The following NRCAM variants were observed in gnomAD, a reference collection of about 807,000 sequenced individuals.
NRCAM encodes the protein neuronal cell adhesion molecule.
NRCAM carries 83 observed loss-of-function variants against 156.5 expected under a neutral mutation model. The ratio of observed to expected loss-of-function variants is 0.53; its 90% CI spans 0.44 to 0.64. NRCAM has a LOEUF of 0.64. NRCAM is among the 30% of genes least tolerant of loss of function. The probability of loss-of-function intolerance (pLI) is 0.00; values close to 1 mark genes in which losing one functional copy is unlikely to be tolerated. For synonymous variants in NRCAM, 538 were observed against 563.9 expected, an observed-to-expected ratio of 0.95 and a Z score of 0.65; for missense variants, 1,417 against 1,597.3, an observed-to-expected ratio of 0.89 and a Z score of 1.92.
intron 30 of NRCAM, among the ~76,000 whole-genome samples, chr7:108,161,232 T>C (rs1423286625): frequency 6.6e-6 from 1 of 152,238 alleles, no homozygotes; most frequent in African/African-American, 2.4e-5. Flanking sequence ...AACTCATTAT[T>C]TGCCTACATG....
chr7:108,254,969 G>A (rs2096555977), intron 3 of NRCAM, among the ~76,000 whole-genome samples: 1 of 152,138 alleles, frequency 6.6e-6, no homozygotes, highest in Non-Finnish European at 1.5e-5. Flanking sequence ...GTATATAGCA[G>A]CATTATTTAT....
At chr7:108,207,498 C>T (rs1274657005) in intron 13 of NRCAM, 30 bp downstream of exon 13, 2 of 1,607,028 alleles carry the variant, frequency 1.2e-6, no homozygotes, top group Admixed American at 1.7e-5. Context: ...TGAAAATATA[C>T]TGCAATTAGA....
chr7:108,221,582 A>C (rs1361384043), intron 11 of NRCAM, among the ~76,000 whole-genome samples: 2 of 152,188 alleles, frequency 1.3e-5, no homozygotes, highest in Non-Finnish European at 2.9e-5. Flanking sequence ...CTATTATTCT[A>C]AGTGAAGTAA....
At chr7:108,362,783 T>C (rs1018936555) in intron 2 of NRCAM, among the ~76,000 whole-genome samples, 9 of 152,140 alleles carry the variant, frequency 5.9e-5, no homozygotes, top group African/African-American at 2.2e-4. Context: ...GGAATATTTA[T>C]AGATATGTGT....
At chr7:108,355,191 C>A (rs577412440) in intron 2 of NRCAM, among the ~76,000 whole-genome samples, 1 of 151,924 alleles carries the variant, frequency 6.6e-6, no homozygotes, top group Admixed American at 6.6e-5. Flanking sequence ...TTCTAAAACA[C>A]ATATTAAAGA....
chr7:108,256,598 AG>A (rs1562978373), intron 3 of NRCAM, among the ~76,000 whole-genome samples: 8 of 152,272 alleles, frequency 5.3e-5, no homozygotes, highest in African/African-American at 1.7e-4. Flanking sequence ...CCCCTCTCCG[AG>A]AAACACCCAA....
At chr7:108,358,948 C>A (rs991807402) in intron 2 of NRCAM, among the ~76,000 whole-genome samples, 1 of 152,160 alleles carries the variant, frequency 6.6e-6, no homozygotes, top group Non-Finnish European at 1.5e-5. Context: ...GGTTGTCATG[C>A]TTTTCAGATT....
intron 1 of NRCAM, among the ~76,000 whole-genome samples, chr7:108,408,114 TAA>T (rs1790732225): frequency 6.6e-6 from 1 of 152,198 alleles, no homozygotes. Context: ...TTTCTTTTTT[TAA>T]AAAAACTGCC....
In NRCAM at chr7:108,182,733, G is replaced by C; in HGVS notation, c.2492C>G (p.Pro831Arg). ...VQALNDMGFA[P>R]EPAVVMGHSG... The stretch of plus-strand genomic sequence containing the variant: ...ATGTCCCATGACTACAGCTGGCTCG[G>C]GGGCAAACCCCATGTCATTCAGGGC... The change falls in exon 23 of 33, where the codon CCC (proline) becomes CGC (arginine). Residue 831 changes from proline (P) to arginine (R), a missense_variant. Around this residue, in one of 2 missense-constraint regions of NRCAM, gnomAD observed 1,238 missense variants for 1,336.4 expected, o/e 0.93. Transcript: ENST00000379028. The C allele has an allele frequency of 6.2e-7, 1 of 1,614,194 alleles. No homozygotes were observed. Among genetic ancestry groups the C allele is most frequent in the Non-Finnish European group, 8.5e-7 (1 of 1,180,044 alleles).
intron 14 of NRCAM, among the ~76,000 whole-genome samples, chr7:108,196,453 C>G (rs973383861): frequency 1.3e-5 from 2 of 152,124 alleles, no homozygotes; most frequent in Non-Finnish European, 2.9e-5. Context: ...GGGTTAATAC[C>G]AAAATATATA....
chr7:108,312,216 C>T lies in NRCAM; in HGVS notation c.-107+449G>A, dbSNP rs2098812083. On this transcript the variant is annotated intron_variant, in intron 3 of 32. Transcript: ENST00000379028. ...AAAGGAGATATTTTTATTCTTTGGA[C>T]TCCATTGTGAGACAAGAAAAATCAC... Among the ~76,000 whole-genome samples, 4 of 152,178 alleles carry T rather than the reference C, an allele frequency of 2.6e-5. 1 individual carries two copies. The highest frequency in any genetic ancestry group is 2.6e-4 in the Admixed American group (4 of 15,264).
intron 1 of NRCAM, among the ~76,000 whole-genome samples, chr7:108,440,901 C>G (rs545175689): frequency 6.6e-6 from 1 of 152,298 alleles, no homozygotes; most frequent in South Asian, 2.1e-4. Flanking sequence ...ACTCTGAGAA[C>G]CTTCAGCTTT....
At chr7:108,226,169 A>G in intron 9 of NRCAM, 39 bp downstream of exon 9, 1 of 1,441,836 alleles carries the variant, frequency 6.9e-7, no homozygotes, top group Non-Finnish European at 9.4e-7. Flanking sequence ...ATATTTGTAA[A>G]TGTCATTGAA....
At chr7:108,305,534 T>C (rs1285292452) in intron 3 of NRCAM, among the ~76,000 whole-genome samples, 2 of 152,200 alleles carry the variant, frequency 1.3e-5, no homozygotes, top group Admixed American at 6.5e-5. Context: ...AGAAGCCATT[T>C]CCCCTGTGCT....
chr7:108,293,774 CA>C (rs1341480294), intron 3 of NRCAM, among the ~76,000 whole-genome samples: 2 of 152,152 alleles, frequency 1.3e-5, no homozygotes, highest in Admixed American at 6.6e-5. Context: ...TCTCTTTTTA[CA>C]AATGAGAGAT....
intron 32 of NRCAM, chr7:108,156,264 A>G: frequency 7.1e-6 from 7 of 982,152 alleles, no homozygotes; most frequent in Non-Finnish European, 8.5e-6. Flanking sequence ...GACAAGATTC[A>G]TGTGGCAAGA....
chr7:108,226,519 G>C, intron 8 of NRCAM, 141 bp from the exon 9 acceptor site: 1 of 371,064 alleles, frequency 2.7e-6, no homozygotes. Context: ...TTGGGTAAAA[G>C]CAAATAACTG....
chr7:108,438,046 T>A (rs1051764754), intron 1 of NRCAM, among the ~76,000 whole-genome samples: 9 of 149,672 alleles, frequency 6.0e-5, no homozygotes, highest in Non-Finnish European at 7.4e-5. Context: ...AAAAAAAAAA[T>A]TAATTAATTA....
intron 3 of NRCAM, among the ~76,000 whole-genome samples, chr7:108,263,100 AGAGT>A (rs2096943548): frequency 6.6e-6 from 1 of 152,224 alleles, no homozygotes; most frequent in South Asian, 2.1e-4. Flanking sequence ...GTGCTTGGTT[AGAGT>A]GAGTGTCTCA....
Sources: gnomAD v4.1 joint callset for allele counts (sites outside exome capture counted in the v4.1 genomes callset) on GRCh38, gnomAD v4.1.1 for gene constraint, gnomAD v4.1.1 regional missense constraint, MANE v1.5 for transcripts, NCBI Gene and HGNC (gene_info 2026-07-23, HGNC 2026-07-21) for gene names.